SLC41A2: variants seen among roughly 807,000 people sequenced by gnomAD.
The protein encoded by SLC41A2 is solute carrier family 41 member 2, also known as SLC41A1-like 1.
In SLC41A2, 32 loss-of-function variants were observed where a neutral mutation model predicts 58.3. The observed-to-expected ratio is 0.55, with a 90% CI of 0.41 to 0.74. The LOEUF (loss-of-function observed/expected upper bound fraction) is 0.74. Ranked by LOEUF, SLC41A2 falls within the 30% of genes least tolerant of loss-of-function variation. SLC41A2 has a pLI of 0.00. For synonymous variants in SLC41A2, 190 were observed against 235.0 expected, an observed-to-expected ratio of 0.81 and a Z score of 1.75; for missense variants, 514 against 680.6, an observed-to-expected ratio of 0.76 and a Z score of 2.72.
chr12:104,875,420 T>C (rs1244849631), intron 6 of SLC41A2, among the ~76,000 whole-genome samples: 1 of 152,176 alleles, frequency 6.6e-6, no homozygotes, highest in Non-Finnish European at 1.5e-5. Flanking sequence ...TACTGGTATG[T>C]GCCACCACAC....
chr12:104,940,679 G>A (rs1434733043), intron 1 of SLC41A2, among the ~76,000 whole-genome samples: 8 of 151,266 alleles, frequency 5.3e-5, no homozygotes, highest in Non-Finnish European at 8.8e-5. Flanking sequence ...GCACTTTGGA[G>A]GGCCAAGGCA....
intron 2 of SLC41A2, among the ~76,000 whole-genome samples, chr12:104,914,199 A>G (rs2135801417): frequency 6.6e-6 from 1 of 152,344 alleles, no homozygotes; most frequent in Non-Finnish European, 1.5e-5. Context: ...TAACAATCCT[A>G]TGTATTAAGT....
At chr12:104,860,473 G>A (rs2043170239) in intron 8 of SLC41A2, among the ~76,000 whole-genome samples, 2 of 151,190 alleles carry the variant, frequency 1.3e-5, no homozygotes, top group African/African-American at 4.9e-5. Context: ...CTTATTAAAT[G>A]TAATTCATAT....
chr12:104,914,357 G>T (rs1315676207), intron 2 of SLC41A2, among the ~76,000 whole-genome samples: 6 of 152,162 alleles, frequency 3.9e-5, no homozygotes, highest in Admixed American at 3.9e-4. Flanking sequence ...ATAAGTACCT[G>T]TTTGGCACTG....
At chr12:104,917,421 T>A (rs1235370326) in intron 2 of SLC41A2, among the ~76,000 whole-genome samples, 4 of 151,914 alleles carry the variant, frequency 2.6e-5, no homozygotes, top group African/African-American at 2.4e-5. Context: ...GTGTGGCGAT[T>A]CCTCGGGGAT....
chr12:104,845,922 G>A lies in SLC41A2; in HGVS notation c.1308C>T (p.Leu436=), dbSNP rs376755765. Residue 436 remains leucine, a synonymous_variant, in exon 9 of 11, where the codon CTC becomes CTT. Transcript: ENST00000258538. ...AIQASRISTY[L]HLHSIPGELP... is the part of the protein sequence containing the mutation. ...ATTCTCCTGGAATGCTATGTAAATG[G>A]AGGTAGGTAGAAATCCTGCTAGCCT... 2 of 1,613,962 alleles carry A rather than the reference G, an allele frequency of 1.2e-6. No homozygotes were observed. Among genetic ancestry groups the A allele is most frequent in the Non-Finnish European group, 1.7e-6 (2 of 1,179,906 alleles).
At chr12:104,837,943 G>C (rs1365486230) in intron 10 of SLC41A2, among the ~76,000 whole-genome samples, 1 of 152,162 alleles carries the variant, frequency 6.6e-6, no homozygotes, top group Admixed American at 6.5e-5. Context: ...AAGAAATTCA[G>C]ACTCAAGAGT....
Position 104,840,937 on chromosome 12 carries a change from C to A in SLC41A2, c.1536+3535G>T, listed in dbSNP as rs559345943. ...AAGAAATACCCATTCAGCTACAAGACCAAAATTGAGAGATGATATACTCTG... is the reference window on the plus strand; with the variant it reads ...AAGAAATACCCATTCAGCTACAAGAACAAAATTGAGAGATGATATACTCTG... On this transcript the variant is annotated intron_variant, in intron 10 of 10. Transcript: ENST00000258538. Among the ~76,000 whole-genome samples the A allele has an allele frequency of 2.0e-5, 3 of 151,992 alleles. 1 individual carries two copies. In the South Asian group the frequency reaches 6.2e-4, roughly 32 times the overall value.
chr12:104,869,720 C>T (rs2135541881), intron 6 of SLC41A2, among the ~76,000 whole-genome samples: 1 of 152,228 alleles, frequency 6.6e-6, no homozygotes, highest in African/African-American at 2.4e-5. Context: ...AACTTCTAAT[C>T]CAATTTTGAT....
intron 10 of SLC41A2, among the ~76,000 whole-genome samples, chr12:104,822,088 A>G (rs142635083): frequency 5.1e-4 from 77 of 152,344 alleles, no homozygotes; most frequent in African/African-American, 1.8e-3. Context: ...AAATCAAGGA[A>G]ATATTCAAAC....
chr12:104,904,133 C>G (rs1055014944), intron 3 of SLC41A2, among the ~76,000 whole-genome samples: 1 of 152,164 alleles, frequency 6.6e-6, no homozygotes, highest in Non-Finnish European at 1.5e-5. Context: ...TCAAAACAGA[C>G]TGGTGTTTTA....
intron 4 of SLC41A2, among the ~76,000 whole-genome samples, chr12:104,889,587 C>T (rs1383874214): frequency 6.6e-6 from 1 of 152,144 alleles, no homozygotes; most frequent in Non-Finnish European, 1.5e-5. Flanking sequence ...CTGGTTCTAG[C>T]ACTTAATCTT....
intron 3 of SLC41A2, among the ~76,000 whole-genome samples, chr12:104,902,765 G>T (rs140411295): frequency 6.6e-6 from 1 of 152,154 alleles, no homozygotes; most frequent in South Asian, 2.1e-4. Context: ...AATAATCAGT[G>T]AAGAGTCCAG....
chr12:104,854,453 C>T (rs1456869572), intron 8 of SLC41A2, among the ~76,000 whole-genome samples: 1 of 151,976 alleles, frequency 6.6e-6, no homozygotes, highest in Non-Finnish European at 1.5e-5. Flanking sequence ...GCCCCAGCTA[C>T]TCGGGAGGCT....
At chr12:104,829,520 G>A (rs1002145005) in intron 10 of SLC41A2, among the ~76,000 whole-genome samples, 1 of 152,100 alleles carries the variant, frequency 6.6e-6, no homozygotes, top group African/African-American at 2.4e-5. Flanking sequence ...AGGAGCATGA[G>A]GAAACCTTTT....
At chr12:104,821,585 T>C (rs962101549) in intron 10 of SLC41A2, among the ~76,000 whole-genome samples, 6 of 152,196 alleles carry the variant, frequency 3.9e-5, no homozygotes, top group Non-Finnish European at 8.8e-5. Context: ...TCAAATACAA[T>C]GCTGAGCAAA....
At chr12:104,939,015 T>A (rs2047394661) in intron 1 of SLC41A2, among the ~76,000 whole-genome samples, 1 of 152,132 alleles carries the variant, frequency 6.6e-6, no homozygotes, top group Non-Finnish European at 1.5e-5. Flanking sequence ...ACACCAAAAA[T>A]GTAGAAAGGA....
intron 2 of SLC41A2, among the ~76,000 whole-genome samples, chr12:104,910,667 C>A (rs544514649): frequency 1.3e-5 from 2 of 152,230 alleles, no homozygotes; most frequent in African/African-American, 4.8e-5. Context: ...AACTGACCAA[C>A]ATTAACATTA....
chr12:104,881,908 A>G (rs997275115), intron 6 of SLC41A2, among the ~76,000 whole-genome samples: 2 of 152,182 alleles, frequency 1.3e-5, no homozygotes, highest in African/African-American at 4.8e-5. Context: ...TAATGTTGAC[A>G]GTGGGGTGTT....
Sources: gnomAD v4.1 joint callset for allele counts (sites outside exome capture counted in the v4.1 genomes callset) on GRCh38, gnomAD v4.1.1 for gene constraint, MANE v1.5 for transcripts, NCBI Gene and HGNC (gene_info 2026-07-23, HGNC 2026-07-21) for gene names.